Variants in FRMD4B observed in about 807,000 individuals in gnomAD.
FRMD4B encodes FERM domain containing 4B.
Under a neutral mutation model 141.5 loss-of-function variants are expected in FRMD4B, and 74 were observed. The ratio of observed to expected loss-of-function variants is 0.52; its 90% CI spans 0.43 to 0.63. The LOEUF (loss-of-function observed/expected upper bound fraction) is 0.63, where lower values mean the gene tolerates loss of function less well. Among genes scored for constraint, FRMD4B ranks in the 30% least tolerant of loss-of-function variants. The pLI is 0.00. For synonymous variants in FRMD4B, 506 were observed against 467.9 expected (o/e 1.08, Z -1.05); for missense variants, 1,366 against 1,253.4 (o/e 1.09, Z -1.36).
At chr3:69,534,215 CTA>C (rs571953256) in intron 1 of FRMD4B, among the ~76,000 whole-genome samples, 107 of 152,360 alleles carry the variant, frequency 7.0e-4, no homozygotes, top group African/African-American at 2.5e-3. Flanking sequence ...ACAATCTACA[CTA>C]TGTTTTACCT....
chr3:69,296,375 TATC>T (rs952079194), intron 4 of FRMD4B, among the ~76,000 whole-genome samples: 15 of 116,496 alleles, frequency 1.3e-4, no homozygotes, highest in Non-Finnish European at 2.0e-4. Context: ...AAGAAACTAA[TATC>T]ATGATCGAGC....
At chr3:69,542,290 G>GGACCCGGC (rs1701199977) in exon 1 of FRMD4B, 1 of 152,512 alleles carries the variant, frequency 6.6e-6, no homozygotes, top group East Asian at 2.0e-4. Flanking sequence ...CGGGACCTGG[G>GGACCCGGC]GACCCGGCTC....
intron 14 of FRMD4B, 114 bp from the exon 15 acceptor site, chr3:69,195,478 C>A: frequency 1.3e-6 from 1 of 787,768 alleles, no homozygotes. Context: ...TATTTCTTTT[C>A]TCCTTGTTTC....
At chr3:69,445,532 C>T (rs1296564830) in intron 1 of FRMD4B, among the ~76,000 whole-genome samples, 1 of 152,196 alleles carries the variant, frequency 6.6e-6, no homozygotes, top group African/African-American at 2.4e-5. Flanking sequence ...TCTGATTTTA[C>T]ATAGACTAAC....
At chr3:69,213,317 T>G (rs183887329) in intron 11 of FRMD4B, among the ~76,000 whole-genome samples, 5 of 151,438 alleles carry the variant, frequency 3.3e-5, no homozygotes, top group African/African-American at 1.2e-4. Context: ...TTTTTTGTAG[T>G]GTTTGCTGCC....
chr3:69,454,523 C>A (rs1705554436), intron 1 of FRMD4B, among the ~76,000 whole-genome samples: 1 of 152,216 alleles, frequency 6.6e-6, no homozygotes, highest in South Asian at 2.1e-4. Flanking sequence ...GCAGGCCCTG[C>A]ACTCCCAGCA....
chr3:69,229,419 T>C (rs1399154176), intron 7 of FRMD4B, among the ~76,000 whole-genome samples: 1 of 152,124 alleles, frequency 6.6e-6, no homozygotes, highest in Non-Finnish European at 1.5e-5. Context: ...GTTTGTACTA[T>C]TGCAAAATAT....
chr3:69,311,751 AT>A (rs1701598115), intron 2 of FRMD4B, among the ~76,000 whole-genome samples: 1 of 152,112 alleles, frequency 6.6e-6, no homozygotes, highest in Non-Finnish European at 1.5e-5. Context: ...TGCAGGAAAC[AT>A]TTTGCTTGTT....
chr3:69,451,232 C>T (rs1705493826), intron 1 of FRMD4B, among the ~76,000 whole-genome samples: 1 of 151,430 alleles, frequency 6.6e-6, no homozygotes, highest in African/African-American at 2.4e-5. Context: ...AGAATAAAAA[C>T]TGTCCTGCTG....
intron 4 of FRMD4B, among the ~76,000 whole-genome samples, chr3:69,295,069 T>C (rs1487635108): frequency 3.9e-5 from 6 of 152,174 alleles, no homozygotes; most frequent in Admixed American, 6.5e-5. Flanking sequence ...ACAAAATAGT[T>C]AACATTTATA....
rs189402962 is a variant in FRMD4B, at chr3:69,369,266, A to G, written c.162+16562T>C. On this transcript the variant is annotated intron_variant, in intron 1 of 22. Transcript: ENST00000398540. ...ATACATGTATTTGTACATTTTTCAT[A>G]TGTCATACATTAAGTATGCACACAT... Among the ~76,000 whole-genome samples the G allele has an allele frequency of 4.1e-3, 626 of 152,338 alleles. 3 individuals carry two copies. The highest frequency in any genetic ancestry group is 0.013 in the African/African-American group (560 of 41,572).
intron 4 of FRMD4B, among the ~76,000 whole-genome samples, chr3:69,302,032 T>G (rs1701234266): frequency 6.6e-6 from 1 of 152,192 alleles, no homozygotes; most frequent in Non-Finnish European, 1.5e-5. Flanking sequence ...TGAGAAACAG[T>G]CTTATGTATT....
intron 11 of FRMD4B, among the ~76,000 whole-genome samples, chr3:69,206,984 C>A (rs1471065578): frequency 6.6e-6 from 1 of 152,052 alleles, no homozygotes; most frequent in Non-Finnish European, 1.5e-5. Context: ...CCCAAACCAG[C>A]CAATCATTGG....
chr3:69,200,913 A>T, intron 11 of FRMD4B: 1 of 453,544 alleles, frequency 2.2e-6, no homozygotes, highest in African/African-American at 2.0e-5. Flanking sequence ...CTGGACTTGA[A>T]ACATGATCTC....
At chr3:69,446,620 C>T (rs758627240) in intron 1 of FRMD4B, among the ~76,000 whole-genome samples, 3 of 152,154 alleles carry the variant, frequency 2.0e-5, no homozygotes, top group Admixed American at 6.5e-5. Flanking sequence ...GTGAGTCACC[C>T]GCGCCAGGCC....
At chr3:69,310,601 GAGAGAGAGAGAA>G (rs1345055116) in intron 3 of FRMD4B, 2 of 219,880 alleles carry the variant, frequency 9.1e-6, no homozygotes, top group Non-Finnish European at 8.7e-6. Context: ...GAGAGAGAGA[GAGAGAGAGAGAA>G]AAGAGCTAGT....
chr3:69,302,906 C>T (rs910712151), intron 3 of FRMD4B, among the ~76,000 whole-genome samples: 1 of 151,932 alleles, frequency 6.6e-6, no homozygotes, highest in African/African-American at 2.4e-5. Context: ...AACCCTGTCT[C>T]TACTAAAATA....
intron 1 of FRMD4B, among the ~76,000 whole-genome samples, chr3:69,382,243 T>A (rs1187503488): frequency 6.6e-6 from 1 of 152,266 alleles, no homozygotes; most frequent in Non-Finnish European, 1.5e-5. Context: ...TTTTGCCATG[T>A]TGGCCAGGCT....
At chr3:69,413,556 C>A (rs1704796799) in intron 2 of FRMD4B, among the ~76,000 whole-genome samples, 1 of 152,236 alleles carries the variant, frequency 6.6e-6, no homozygotes. Context: ...TCACAAATCA[C>A]AGTAACCCCA....
Sources: allele counts gnomAD v4.1 joint callset (sites outside exome capture counted in the v4.1 genomes callset), GRCh38; gene constraint gnomAD v4.1.1; transcripts MANE v1.5; gene names NCBI Gene and HGNC (gene_info 2026-07-23, HGNC 2026-07-21).